The following OSBPL9 variants were observed in gnomAD, a reference collection of about 807,000 sequenced individuals.
The protein encoded by OSBPL9 is oxysterol binding protein like 9.
A neutral mutation model predicts 106.6 loss-of-function variants in OSBPL9; 40 were observed. The ratio of observed to expected loss-of-function variants is 0.38; its 90% confidence interval spans 0.29 to 0.49. OSBPL9 has a LOEUF of 0.49. OSBPL9 is among the 20% of genes least tolerant of loss of function. OSBPL9 has a pLI of 0.97. For missense variants in OSBPL9, 609 were observed against 887.2 expected (o/e 0.69, Z 3.98); for synonymous variants, 269 against 295.4 (o/e 0.91, Z 0.92).
chr1:51,638,099 C>T (rs1332823736), intron 1 of OSBPL9, among the ~76,000 whole-genome samples: 1 of 152,042 alleles, frequency 6.6e-6, no homozygotes, highest in Non-Finnish European at 1.5e-5. Context: ...CAGCCTTGTT[C>T]CCAGGATCTT....
At chr1:51,711,325 C>A (rs1247867457) in intron 3 of OSBPL9, among the ~76,000 whole-genome samples, 3 of 147,736 alleles carry the variant, frequency 2.0e-5, no homozygotes, top group Admixed American at 2.0e-4. Flanking sequence ...GGCGGCTGGC[C>A]GGGCAGGGGG....
chr1:51,579,507 A>G (rs1212020753), intron 1 of OSBPL9, among the ~76,000 whole-genome samples: 1 of 152,170 alleles, frequency 6.6e-6, no homozygotes, highest in Non-Finnish European at 1.5e-5. Flanking sequence ...TGTATTCTTC[A>G]AAAGAGAATT....
chr1:51,710,730 C>A (rs1659621313), intron 3 of OSBPL9, among the ~76,000 whole-genome samples: 1 of 152,178 alleles, frequency 6.6e-6, no homozygotes, highest in South Asian at 2.1e-4. Flanking sequence ...GAGAGCCTAC[C>A]TGAATTTAAT....
rs1442177638 is a variant in OSBPL9, at chr1:51,750,193, AAAGT to A, written c.543+5_543+8del. ...CTGCATTGTGTTGCTGCAGATTGCC[AAAGT>A]AAGTAAATTTTACTTTCAATTACCT... On this transcript the variant is annotated splice_donor_variant and coding_sequence_variant, in exon 8 of 24. Coordinates refer to ENST00000428468, the MANE Select transcript of OSBPL9 (RefSeq NM_024586.6). LOFTEE classifies it high-confidence loss of function. 1 of 1,603,202 alleles carries A rather than the reference AAAGT, an allele frequency of 6.2e-7. No individual in the cohort carries two copies. Among genetic ancestry groups the A allele is most frequent in the African/African-American group, 1.3e-5 (1 of 74,572 alleles).
chr1:51,662,045 C>A (rs1443640375), intron 2 of OSBPL9, among the ~76,000 whole-genome samples: 1 of 152,096 alleles, frequency 6.6e-6, no homozygotes, highest in Admixed American at 6.5e-5. Flanking sequence ...AGGAATAATC[C>A]AGGATTGTTC....
the OSBPL9 span, chr1:51,563,600 C>G: frequency 6.6e-6 from 1 of 152,212 alleles, no homozygotes; most frequent in African/African-American, 2.4e-5. Context: ...TTCTCACACC[C>G]ATTGGAAAGA....
chr1:51,651,945 C>G (rs751337697), intron 1 of OSBPL9, 46 bp from the exon 2 acceptor site: 22 of 1,446,258 alleles, frequency 1.5e-5, no homozygotes, highest in African/African-American at 7.0e-5. Flanking sequence ...AACAATTTAC[C>G]AGTCTGTTAA....
chr1:51,674,964 G>T (rs1004527052), intron 3 of OSBPL9, among the ~76,000 whole-genome samples: 1 of 152,160 alleles, frequency 6.6e-6, no homozygotes, highest in Non-Finnish European at 1.5e-5. Context: ...ATTTGTATTG[G>T]GCTGCATTCA....
intron 11 of OSBPL9, among the ~76,000 whole-genome samples, chr1:51,762,474 T>G (rs1557827536): frequency 1.3e-5 from 2 of 152,196 alleles, no homozygotes; most frequent in South Asian, 2.1e-4. Context: ...ATAATTTAAA[T>G]AAAATAAAAT....
At chr1:51,581,868 C>T (rs539906266) in intron 1 of OSBPL9, among the ~76,000 whole-genome samples, 3 of 152,060 alleles carry the variant, frequency 2.0e-5, no homozygotes, top group Non-Finnish European at 4.4e-5. Context: ...TCTCCTATGT[C>T]CCTTTGACAC....
chr1:51,576,049 G>C (rs948979766), upstream of OSBPL9, among the ~76,000 whole-genome samples: 1 of 152,094 alleles, frequency 6.6e-6, no homozygotes, highest in African/African-American at 2.4e-5. Context: ...TGCTTCTATA[G>C]GTCTTCATTT....
upstream of OSBPL9, among the ~76,000 whole-genome samples, chr1:51,575,276 C>T (rs1645176561): frequency 6.6e-6 from 1 of 152,180 alleles, no homozygotes; most frequent in South Asian, 2.1e-4. Flanking sequence ...TCTCGGCTCA[C>T]TGCAACCTCA....
At chr1:51,574,855 G>T (rs1645174110), upstream of OSBPL9, among the ~76,000 whole-genome samples, 1 of 152,164 alleles carries the variant, frequency 6.6e-6, no homozygotes, top group Non-Finnish European at 1.5e-5. Context: ...ATGACAATGA[G>T]CAATCAATTT....
chr1:51,678,567 G>A (rs983029865), intron 3 of OSBPL9, among the ~76,000 whole-genome samples: 1 of 151,872 alleles, frequency 6.6e-6, no homozygotes, highest in African/African-American at 2.4e-5. Flanking sequence ...AGGCTGAGGC[G>A]GGAGAATCGT....
rs1382854289 is a variant in OSBPL9, at chr1:51,785,858, G to T, written c.1880G>T (p.Gly627Val). ...TGCTCAATTGAAGGGGAATGGAATG[G>T]TGTGATGTATGCAAAATATGCAACA... ...SFCSIEGEWN[G>V]VMYAKYATGE... Residue 627 changes from glycine to valine, a missense_variant, in exon 21 of 24, where the codon GGT becomes GTT. This residue lies in a region of OSBPL9 where 132 missense variants were observed against 158.1 expected (regional missense o/e 0.83). Coordinates refer to ENST00000428468, the MANE Select transcript of OSBPL9 (RefSeq NM_024586.6). 1.2e-6 allele frequency: 2 copies of T among 1,611,026 alleles called. No homozygotes were observed. The highest frequency in any genetic ancestry group is 1.7e-6 in the Non-Finnish European group (2 of 1,179,394).
the OSBPL9 span, among the ~76,000 whole-genome samples, chr1:51,535,922 C>T: frequency 6.6e-6 from 1 of 151,992 alleles, no homozygotes; most frequent in Non-Finnish European, 1.5e-5. Context: ...TGCAGAAGAG[C>T]TGCAGAAATA....
chr1:51,576,351 G>A (rs1645183777), upstream of OSBPL9, among the ~76,000 whole-genome samples: 1 of 152,136 alleles, frequency 6.6e-6, no homozygotes. Context: ...CTGCTTCTCT[G>A]ACCATCATCG....
intron 1 of OSBPL9, among the ~76,000 whole-genome samples, chr1:51,596,159 TGAAGCAGGA>T (rs1318874630): frequency 6.8e-6 from 1 of 147,916 alleles, no homozygotes; most frequent in Non-Finnish European, 1.5e-5. Flanking sequence ...TTGGGGAGGC[TGAAGCAGGA>T]GAATTTCTTG....
In OSBPL9 at chr1:51,764,667, C is replaced by T. The variant is rs563460659; in HGVS notation, c.779-1155C>T. The stretch of plus-strand genomic sequence containing the variant: ...GCACAAACACAACTCACTGCAGCCT[C>T]GACCTCCTCAGATTAAGTGATCCTG... On this transcript the variant is annotated intron_variant, in intron 11 of 23. Coordinates refer to ENST00000428468, the MANE Select transcript of OSBPL9 (RefSeq NM_024586.6). Among the ~76,000 whole-genome samples, 4 of 151,952 alleles carry T rather than the reference C, an allele frequency of 2.6e-5. No homozygotes were observed. The South Asian group carries it at 6.3e-4, about 24-fold the overall frequency.
Sources: gnomAD v4.1 joint callset for allele counts (sites outside exome capture counted in the v4.1 genomes callset) on GRCh38, gnomAD v4.1.1 for gene constraint, gnomAD v4.1.1 regional missense constraint, MANE v1.5 for transcripts, NCBI Gene and HGNC (gene_info 2026-07-23, HGNC 2026-07-21) for gene names.